The following PDE11A variants were observed in gnomAD, a reference collection of about 807,000 sequenced individuals.
PDE11A encodes the protein dual 3',5'-cyclic-AMP and -GMP phosphodiesterase 11A.
PDE11A carries 100 observed loss-of-function variants against 100.5 expected under a neutral mutation model. The ratio of observed to expected loss-of-function variants is 1.00; its 90% CI spans 0.85 to 1.18. PDE11A has a LOEUF of 1.18. PDE11A is among the 50% of genes most tolerant of loss of function. PDE11A has a pLI of 0.00. For synonymous variants in PDE11A, 381 were observed against 420.8 expected (o/e 0.91, Z 1.16); for missense variants, 1,141 against 1,152.6 (o/e 0.99, Z 0.15).
chr2:178,054,074 CA>C (rs2086866101), intron 1 of PDE11A, among the ~76,000 whole-genome samples: 1 of 152,154 alleles, frequency 6.6e-6, no homozygotes, highest in African/African-American at 2.4e-5. Context: ...GCCAAAAGAA[CA>C]AAGCTGGAGG....
upstream of PDE11A, among the ~76,000 whole-genome samples, chr2:178,073,768 G>A (rs551525177): frequency 6.6e-6 from 1 of 152,266 alleles, no homozygotes; most frequent in South Asian, 2.1e-4. Context: ...TTAGTGATAT[G>A]TTGAAACTGG....
At chr2:177,937,878 T>C (rs917005024) in intron 2 of PDE11A, among the ~76,000 whole-genome samples, 1 of 152,146 alleles carries the variant, frequency 6.6e-6, no homozygotes, top group African/African-American at 2.4e-5. Flanking sequence ...ATTTATTTTC[T>C]GAAGAGGAGC....
Position 177,728,133 on chromosome 2 carries a change from C to T in PDE11A, c.1828G>A (p.Asp610Asn). The change falls in exon 11 of 20, where the codon GAC (aspartate) becomes AAC (asparagine). Residue 610 changes from aspartate to asparagine, a missense_variant. Asp to Asn is a conservative substitution (Grantham distance 23). Coordinates refer to ENST00000286063, the MANE Select transcript of PDE11A (RefSeq NM_016953.4). The stretch of plus-strand genomic sequence containing the variant: ...AGAGAAAAGTCATCAAAATGAATGT[C>T]ATCGATGGCAAGTTCTGACACCAGA... ...IPLVSELAID[D>N]IHFDDFSLDV... The T allele has an allele frequency of 6.2e-7, 1 of 1,613,090 alleles. No homozygotes were observed. Among genetic ancestry groups the T allele is most frequent in the South Asian group, 1.1e-5 (1 of 91,048 alleles).
chr2:177,819,860 T>TCTCTGTCTCTCTCTCTC, intron 7 of PDE11A, among the ~76,000 whole-genome samples: 1 of 102,238 alleles, frequency 9.8e-6, no homozygotes, highest in African/African-American at 3.8e-5. Flanking sequence ...CTTTCTCTCT[T>TCTCTGTCTCTCTCTCTC]TCTCTCTTTC....
At chr2:177,848,294 A>T (rs1271750003) in intron 5 of PDE11A, among the ~76,000 whole-genome samples, 1 of 152,204 alleles carries the variant, frequency 6.6e-6, no homozygotes, top group Admixed American at 6.5e-5. Flanking sequence ...AAATATATTG[A>T]TATAAATGTT....
At chr2:177,665,638 T>C (rs1918347) in intron 18 of PDE11A, among the ~76,000 whole-genome samples, 123,501 of 151,672 alleles carry the variant, frequency 0.81, 50,996 homozygotes, top group East Asian at 0.98. Context: ...GGAGGATCAC[T>C]TGAGATCAGG....
At chr2:177,883,089 T>C (rs1299505721) in intron 4 of PDE11A, among the ~76,000 whole-genome samples, 1 of 151,874 alleles carries the variant, frequency 6.6e-6, no homozygotes, top group African/African-American at 2.4e-5. Flanking sequence ...ACCAACATGG[T>C]GAAACCCCGT....
At chr2:177,773,991 C>G (rs901989845) in intron 9 of PDE11A, among the ~76,000 whole-genome samples, 5 of 152,102 alleles carry the variant, frequency 3.3e-5, no homozygotes, top group African/African-American at 1.2e-4. Context: ...TCTGTTTGGT[C>G]CCATAGGATT....
At chr2:177,960,558 C>G (rs1031891350) in intron 2 of PDE11A, among the ~76,000 whole-genome samples, 6 of 151,234 alleles carry the variant, frequency 4.0e-5, no homozygotes, top group African/African-American at 1.2e-4. Flanking sequence ...CTAAAAATGC[C>G]CAGGCTGCCC....
At chr2:177,637,030 C>G (rs2080048926) in intron 19 of PDE11A, among the ~76,000 whole-genome samples, 1 of 152,214 alleles carries the variant, frequency 6.6e-6, no homozygotes. Context: ...TACTCTTCCT[C>G]ACCTCCTTTT....
At chr2:177,674,664 A>G (rs2080740485) in intron 17 of PDE11A, among the ~76,000 whole-genome samples, 1 of 152,178 alleles carries the variant, frequency 6.6e-6, no homozygotes, top group Non-Finnish European at 1.5e-5. Flanking sequence ...TTAGGACCTG[A>G]TATCTTTGGG....
chr2:178,091,593 C>T (rs2087423952), intron 2 of PDE11A, among the ~76,000 whole-genome samples: 1 of 152,172 alleles, frequency 6.6e-6, no homozygotes, highest in African/African-American at 2.4e-5. Context: ...CACTACCCAT[C>T]CCTTTGGTAC....
chr2:177,956,804 G>T (rs997058663), intron 2 of PDE11A, among the ~76,000 whole-genome samples: 20 of 142,600 alleles, frequency 1.4e-4, no homozygotes, highest in African/African-American at 5.2e-4. Context: ...GCAAACTATC[G>T]CAAGGACAAA....
intron 13 of PDE11A, among the ~76,000 whole-genome samples, chr2:177,708,705 T>C (rs1479469635): frequency 6.6e-6 from 1 of 152,236 alleles, no homozygotes; most frequent in African/African-American, 2.4e-5. Context: ...GGAAACTTTG[T>C]TAAAGTGCTG....
intron 13 of PDE11A, among the ~76,000 whole-genome samples, chr2:177,704,934 G>C (rs1033592715): frequency 4.6e-5 from 7 of 152,068 alleles, no homozygotes; most frequent in African/African-American, 1.4e-4. Flanking sequence ...TCCACCTCCT[G>C]GGTTCAAGCG....
Position 178,072,530 on chromosome 2 carries a change from C to T in PDE11A, c.-93G>A, listed in dbSNP as rs1450860896. 6.4e-7 allele frequency: 1 copy of T among 1,567,538 alleles called. No homozygotes were observed. The highest frequency in any genetic ancestry group is 2.3e-5 in the East Asian group (1 of 42,742). ...CTGTTCCTGCACATGTTCACCCCCA[C>T]CAGTATTCCCAGTTCAGCGCCACCT... On this transcript the variant is annotated 5_prime_UTR_variant, in exon 1 of 20. The change creates a new upstream start codon in the 5' untranslated region. Coordinates refer to ENST00000286063, the MANE Select transcript of PDE11A (RefSeq NM_016953.4).
At chr2:178,059,615 G>C (rs1191198383) in intron 1 of PDE11A, among the ~76,000 whole-genome samples, 1 of 152,174 alleles carries the variant, frequency 6.6e-6, no homozygotes, top group Non-Finnish European at 1.5e-5. Context: ...TCAGAGCTTA[G>C]AGGCAACAAT....
intron 9 of PDE11A, among the ~76,000 whole-genome samples, chr2:177,778,452 G>C (rs1375883813): frequency 6.6e-6 from 1 of 152,186 alleles, no homozygotes; most frequent in Non-Finnish European, 1.5e-5. Context: ...TGAGGATCCA[G>C]ACTGAGTGTC....
chr2:178,072,407 C>T lies in PDE11A; in HGVS notation c.31G>A (p.Val11Met), dbSNP rs753830736. The stretch of plus-strand genomic sequence containing the variant: ...GGGTGCCTGTCCAGGAAAGTTTCCA[C>T]CTCCCCAAAGTCCAGGCGGGAGGCT... MAASRLDFGEVETFLDRHPEL... is the reference protein window; with the variant it reads MAASRLDFGEMETFLDRHPEL... The change falls in exon 1 of 20, where the codon GTG becomes ATG. Residue 11 changes from valine (V) to methionine (M), a missense_variant. Physicochemically the swap from Val to Met is conservative, Grantham distance 21. Transcript: ENST00000286063. 1.9e-6 allele frequency: 3 copies of T among 1,613,498 alleles called. No homozygotes were observed. The East Asian group carries it at 6.7e-5, about 36-fold the overall frequency.
Sources: gnomAD v4.1 joint callset for allele counts (sites outside exome capture counted in the v4.1 genomes callset) on GRCh38, gnomAD v4.1.1 for gene constraint, MANE v1.5 for transcripts, NCBI Gene and HGNC (gene_info 2026-07-23, HGNC 2026-07-21) for gene names.